TEX48: variants seen among roughly 807,000 people sequenced by gnomAD.
TEX48 encodes testis-expressed protein 48.
A neutral mutation model predicts 13.2 loss-of-function variants in TEX48; 10 were observed. That is an observed-to-expected ratio of 0.75 (90% CI 0.47 to 1.28). TEX48 has a LOEUF of 1.28. Ranked by LOEUF, TEX48 falls within the 50% of genes most tolerant of loss-of-function variation. The pLI, the probability that TEX48 is intolerant of heterozygous loss-of-function variation, is 0.00. For missense variants in TEX48, 116 were observed against 139.4 expected, an observed-to-expected ratio of 0.83 and a Z score of 0.84; for synonymous variants, 45 against 52.3, an observed-to-expected ratio of 0.86 and a Z score of 0.60.
intron 1 of TEX48, among the ~76,000 whole-genome samples, chr9:114,674,648 TC>T (rs771266157): frequency 0.046 from 5,838 of 126,382 alleles, 403 homozygotes; most frequent in African/African-American, 0.061. Context: ...CTTCCTTCCT[TC>T]CTTCCTTCCT....
At chr9:114,673,809 CT>C (rs34331435) in intron 1 of TEX48, among the ~76,000 whole-genome samples, 132,094 of 143,472 alleles carry the variant, frequency 0.92, 60,739 homozygotes, top group Non-Finnish European at 0.94. Flanking sequence ...TAAATGCAAA[CT>C]TTTTTTTTTT....
At chr9:114,677,910 C>T (rs754869036) in intron 1 of TEX48, among the ~76,000 whole-genome samples, 69 of 152,060 alleles carry the variant, frequency 4.5e-4, no homozygotes, top group Non-Finnish European at 8.7e-4. Context: ...TCCTGCTTGT[C>T]GTGGTCTCAT....
chr9:114,666,819 T>G, intron 4 of TEX48, 73 bp from the exon 5 acceptor site: 1 of 748,780 alleles, frequency 1.3e-6, no homozygotes, highest in Middle Eastern at 2.3e-4. Context: ...GTTTTGGTTG[T>G]TTGTATCCAT....
chr9:114,677,661 G>A (rs1276569747), intron 1 of TEX48, among the ~76,000 whole-genome samples: 1 of 152,088 alleles, frequency 6.6e-6, no homozygotes, highest in African/African-American at 2.4e-5. Context: ...TTACTGGAGT[G>A]GTAATTGATT....
At chr9:114,673,711 T>C (rs1827994907) in intron 1 of TEX48, among the ~76,000 whole-genome samples, 1 of 151,758 alleles carries the variant, frequency 6.6e-6, no homozygotes, top group Admixed American at 6.6e-5. Context: ...CTGTAAAAAA[T>C]GCTAAGATCG....
At chr9:114,677,992 T>C (rs1828108822) in intron 1 of TEX48, among the ~76,000 whole-genome samples, 3 of 152,116 alleles carry the variant, frequency 2.0e-5, no homozygotes, top group Admixed American at 2.0e-4. Flanking sequence ...CTCTCATGTA[T>C]TTGTCTTAAT....
chr9:114,667,035 AC>A (rs1261104907), intron 4 of TEX48, among the ~76,000 whole-genome samples: 1 of 152,204 alleles, frequency 6.6e-6, no homozygotes, highest in Non-Finnish European at 1.5e-5. Flanking sequence ...TCTGACACTT[AC>A]GTCATTCCCT....
At position 114,666,724 on chromosome 9, in the gene TEX48, T is replaced by C; in HGVS notation, c.282A>G (p.Gln94=). 1 of 1,533,580 alleles carries C rather than the reference T, an allele frequency of 6.5e-7. No individual in the cohort carries two copies. Among genetic ancestry groups the C allele is most frequent in the Non-Finnish European group, 8.7e-7 (1 of 1,145,070 alleles). The allele number at this position is 1,533,580 out of a possible 1,614,324, so 95.0% of individuals were successfully genotyped here. A position where few individuals can be genotyped will look rare whatever the true frequency, so the allele number is the denominator to read the frequency against. ...EFEDLNAYAS[Q]RNFYKRNLNR... ...TTAAGTTTCTCTTGTAAAAATTTCT[T>C]TGGGAAGCATATGCATTCAGATCTG... is the stretch of plus-strand genomic sequence containing the variant. The change falls in exon 5 of 5, where the codon CAA becomes CAG. Residue 94 remains glutamine (Q), a synonymous_variant. Coordinates refer to ENST00000436752, the MANE Select transcript of TEX48 (RefSeq NM_001199233.2).
intron 1 of TEX48, among the ~76,000 whole-genome samples, chr9:114,679,200 A>G (rs558631232): frequency 1.3e-5 from 2 of 151,780 alleles, no homozygotes; most frequent in Non-Finnish European, 2.9e-5. Context: ...GAAAAAATCA[A>G]TTGGAATGGG....
chr9:114,673,846 C>T (rs1195071817), intron 1 of TEX48, among the ~76,000 whole-genome samples: 2 of 151,686 alleles, frequency 1.3e-5, no homozygotes, highest in African/African-American at 4.8e-5. Context: ...TACTCTGTCA[C>T]CCAGGCTGGA....
chr9:114,669,986 AGCT>A (rs917954053), intron 3 of TEX48, among the ~76,000 whole-genome samples: 2 of 152,200 alleles, frequency 1.3e-5, no homozygotes, highest in African/African-American at 2.4e-5. Flanking sequence ...CAATAGTCTG[AGCT>A]GTGTTCTGTG....
intron 1 of TEX48, among the ~76,000 whole-genome samples, chr9:114,678,482 C>T (rs1345270975): frequency 6.6e-6 from 1 of 152,242 alleles, no homozygotes; most frequent in African/African-American, 2.4e-5. Flanking sequence ...TTTTGTATAT[C>T]CTGTGTAATT....
chr9:114,678,229 CTT>C (rs1828112907), intron 1 of TEX48, among the ~76,000 whole-genome samples: 1 of 152,182 alleles, frequency 6.6e-6, no homozygotes, highest in Non-Finnish European at 1.5e-5. Flanking sequence ...TTGCTTCTGT[CTT>C]TCTCTCTCCA....
In TEX48 at chr9:114,666,630, C is replaced by G. The variant is rs1364046878; in HGVS notation, c.*13G>C. 1 of 1,471,912 alleles carries G rather than the reference C, an allele frequency of 6.8e-7. No individual in the cohort carries two copies. Among genetic ancestry groups the G allele is most frequent in the Non-Finnish European group, 9.1e-7 (1 of 1,096,404 alleles). The allele number at this position is 1,471,912 out of a possible 1,614,324, so 91.2% of individuals were successfully genotyped here. On this transcript the variant is annotated 3_prime_UTR_variant, in exon 5 of 5. Transcript: ENST00000436752. ...AGATGCCCCAGCAGCTGTGCAGCCG[C>G]CGGCTAGAATGCTCAGGGCCTCCCA...
At chr9:114,670,418 G>A (rs7860720) in intron 3 of TEX48, among the ~76,000 whole-genome samples, 70,624 of 151,660 alleles carry the variant, frequency 0.47, 16,481 homozygotes, top group Admixed American at 0.49. Flanking sequence ...ACTCTGCCAC[G>A]TTCCTGGCCA....
chr9:114,679,750 G>A (rs1466358271), intron 1 of TEX48, among the ~76,000 whole-genome samples: 1 of 152,154 alleles, frequency 6.6e-6, no homozygotes, highest in African/African-American at 2.4e-5. Context: ...ACTACTAGTA[G>A]ATGAAACAGA....
At chr9:114,667,927 A>AAAAT in intron 4 of TEX48, among the ~76,000 whole-genome samples, 1 of 150,798 alleles carries the variant, frequency 6.6e-6, no homozygotes, top group Non-Finnish European at 1.5e-5. Context: ...AAAAAAAAAA[A>AAAAT]GATGATGCCA....
chr9:114,668,384 G>A, intron 3 of TEX48, 47 bp from the exon 4 acceptor site: 1 of 1,507,086 alleles, frequency 6.6e-7, no homozygotes, highest in Middle Eastern at 1.7e-4. Flanking sequence ...GCTTAGGTGA[G>A]ATCACGGAAG....
chr9:114,666,833 T>G (rs142780113), intron 4 of TEX48, 87 bp from the exon 5 acceptor site: 1 of 691,828 alleles, frequency 1.4e-6, no homozygotes, highest in Admixed American at 2.5e-5. Context: ...TATCCATTGC[T>G]GATCATTCCT....
Sources: gnomAD v4.1 joint callset for allele counts (sites outside exome capture counted in the v4.1 genomes callset) on GRCh38, gnomAD v4.1.1 for gene constraint, MANE v1.5 for transcripts, NCBI Gene and HGNC (gene_info 2026-07-23, HGNC 2026-07-21) for gene names.